Variants in PDE12 observed in about 807,000 individuals in gnomAD.
PDE12 encodes the protein 2',5'-phosphodiesterase 12.
In PDE12, 26 loss-of-function variants were observed where a neutral mutation model predicts 45.4. The ratio of observed to expected loss-of-function variants is 0.57; its 90% CI spans 0.42 to 0.79. The LOEUF (loss-of-function observed/expected upper bound fraction) is 0.79. PDE12 is among the 30% of genes least tolerant of loss of function. The pLI, the probability that PDE12 is intolerant of heterozygous loss-of-function variation, is 0.00. For synonymous variants in PDE12, 283 were observed against 323.9 expected, an observed-to-expected ratio of 0.87 and a Z score of 1.36; for missense variants, 668 against 790.0, an observed-to-expected ratio of 0.85 and a Z score of 1.85.
the PDE12 span, chr3:57,584,013 A>G: frequency 6.3e-7 from 1 of 1,578,272 alleles, no homozygotes; most frequent in Admixed American, 1.7e-5. Flanking sequence ...AAAACCTACA[A>G]AGAAAAACAA....
At chr3:57,598,088 C>T in the PDE12 span, 1 of 152,082 alleles carries the variant, frequency 6.6e-6, no homozygotes, top group Non-Finnish European at 1.5e-5. Flanking sequence ...TACTTTTTTT[C>T]CTAGAAGCAG....
chr3:57,647,485 T>C, the PDE12 span, among the ~76,000 whole-genome samples: 1 of 152,202 alleles, frequency 6.6e-6, no homozygotes, highest in East Asian at 1.9e-4. Context: ...AGTGGCCTAC[T>C]GTGGAACTGC....
the PDE12 span, among the ~76,000 whole-genome samples, chr3:57,651,011 C>T: frequency 1.9e-4 from 29 of 152,096 alleles, no homozygotes; most frequent in East Asian, 5.0e-3. Context: ...CTCGAACTCC[C>T]GATCTCAGAT....
the PDE12 span, among the ~76,000 whole-genome samples, chr3:57,600,367 TTTTC>T: frequency 5.3e-5 from 8 of 150,772 alleles, no homozygotes; most frequent in South Asian, 6.3e-4. Context: ...CTTTCCTTTC[TTTTC>T]TTTCTTTCTC....
chr3:57,620,308 C>G, the PDE12 span, among the ~76,000 whole-genome samples: 1 of 151,714 alleles, frequency 6.6e-6, no homozygotes, highest in Non-Finnish European at 1.5e-5. Context: ...CCCAACTACT[C>G]AGGAGGCTGA....
At chr3:57,655,584 A>G in the PDE12 span, among the ~76,000 whole-genome samples, 5 of 152,216 alleles carry the variant, frequency 3.3e-5, no homozygotes, top group Admixed American at 6.5e-5. Flanking sequence ...CAAAGTCAAA[A>G]TGCAATCAAA....
At chr3:57,617,888 A>C in the PDE12 span, among the ~76,000 whole-genome samples, 1 of 152,026 alleles carries the variant, frequency 6.6e-6, no homozygotes, top group Non-Finnish European at 1.5e-5. Flanking sequence ...AAAAAAACAA[A>C]AAAACCATAG....
rs2069789647 is a variant in PDE12, at chr3:57,566,779, G to A, written c.*6775G>A. ...GGAGAAATGTCTTTTGAAATACTTT[G>A]CCCATTTAAAAATGTTATTTGTTGT... On this transcript the variant is annotated 3_prime_UTR_variant, in exon 3 of 3. Coordinates refer to ENST00000311180, the MANE Select transcript of PDE12 (RefSeq NM_177966.7). The A allele has an allele frequency of 6.6e-6, 1 of 152,000 alleles. No homozygotes were observed. Among genetic ancestry groups the A allele is most frequent in the Non-Finnish European group, 1.5e-5 (1 of 67,970 alleles). The allele number at this position is 152,000 out of a possible 1,614,324, so 9.4% of individuals were successfully genotyped here.
the PDE12 span, chr3:57,575,415 T>C: frequency 1.1e-6 from 1 of 897,140 alleles, no homozygotes; most frequent in African/African-American, 1.7e-5. Context: ...TTTATTACCA[T>C]ATTTTTAAAT....
chr3:57,622,581 G>A, the PDE12 span, among the ~76,000 whole-genome samples: 4 of 152,022 alleles, frequency 2.6e-5, no homozygotes, highest in South Asian at 2.1e-4. Context: ...CCACTCCTAG[G>A]TATTTACCCA....
chr3:57,643,947 A>C, the PDE12 span, among the ~76,000 whole-genome samples: 1 of 151,798 alleles, frequency 6.6e-6, no homozygotes. Context: ...TCAGGAGTTC[A>C]AGACCAGTCT....
At chr3:57,648,376 C>T in the PDE12 span, among the ~76,000 whole-genome samples, 1 of 152,138 alleles carries the variant, frequency 6.6e-6, no homozygotes, top group East Asian at 1.9e-4. Flanking sequence ...GAAACACATC[C>T]TATGCTCATG....
chr3:57,559,890 T>C lies in PDE12; in HGVS notation c.1716T>C (p.Val572=). The C allele has an allele frequency of 6.2e-7, 1 of 1,614,180 alleles. No individual in the cohort carries two copies. The highest frequency in any genetic ancestry group is 1.7e-5 in the Admixed American group (1 of 60,020). ...TCATTGACTTAAATGCTTTAGAGGT[T>C]GAACAGGTGATTCCATTACCTAGTC... The part of the protein sequence containing the change: ...YIFIDLNALE[V]EQVIPLPSHE... Residue 572 remains valine (V), a synonymous_variant, in exon 3 of 3, where the codon GTT becomes GTC. Transcript: ENST00000311180.
chr3:57,567,701 T>A (rs973725276), downstream of PDE12, among the ~76,000 whole-genome samples: 5 of 152,302 alleles, frequency 3.3e-5, no homozygotes, highest in Admixed American at 3.3e-4. Flanking sequence ...GTTTTCATAC[T>A]AATTCTACCA....
At chr3:57,650,605 A>G in the PDE12 span, among the ~76,000 whole-genome samples, 1 of 152,130 alleles carries the variant, frequency 6.6e-6, no homozygotes, top group Non-Finnish European at 1.5e-5. Context: ...GGCTGGTTCT[A>G]GGGCTTGGGA....
At chr3:57,596,901 G>A in the PDE12 span, 4 of 637,254 alleles carry the variant, frequency 6.3e-6, no homozygotes, top group Non-Finnish European at 1.1e-5. Context: ...GGGGGCGGGG[G>A]GGATCGCTCA....
chr3:57,626,008 G>A, the PDE12 span: 1 of 152,534 alleles, frequency 6.6e-6, no homozygotes, highest in East Asian at 1.9e-4. Flanking sequence ...AAAATAATAA[G>A]ATGACCATTT....
the PDE12 span, among the ~76,000 whole-genome samples, chr3:57,618,309 GA>G: frequency 6.6e-6 from 1 of 152,158 alleles, no homozygotes; most frequent in Non-Finnish European, 1.5e-5. Context: ...TTTGATAAAT[GA>G]GGTTAATAAC....
chr3:57,603,313 G>A, the PDE12 span, among the ~76,000 whole-genome samples: 1 of 151,952 alleles, frequency 6.6e-6, no homozygotes, highest in African/African-American at 2.4e-5. Context: ...CTTCCTGACT[G>A]TACAAATATT....
Sources: gnomAD v4.1 joint callset for allele counts (sites outside exome capture counted in the v4.1 genomes callset) on GRCh38, gnomAD v4.1.1 for gene constraint, MANE v1.5 for transcripts, NCBI Gene and HGNC (gene_info 2026-07-23, HGNC 2026-07-21) for gene names.